The following CAPN6 variants were observed in gnomAD, a reference collection of about 807,000 sequenced individuals.
CAPN6 encodes the protein calpain 6, also known as calpain-6.
CAPN6 carries 16 observed loss-of-function variants against 46.0 expected under a neutral mutation model. The ratio of observed to expected loss-of-function variants is 0.35; its 90% CI spans 0.24 to 0.53. The LOEUF (loss-of-function observed/expected upper bound fraction) is 0.53. CAPN6 is among the 20% of genes least tolerant of loss of function. CAPN6 has a pLI of 0.94. For missense variants in CAPN6, 461 were observed against 498.0 expected, an observed-to-expected ratio of 0.93 and a Z score of 0.71; for synonymous variants, 206 against 172.8, an observed-to-expected ratio of 1.19 and a Z score of -1.51.
In CAPN6 at chrX:111,251,750, C is replaced by A; in HGVS notation, c.700-8G>T. ...CTCCTCCTGATTGGGAGACTGAGAG[C>A]AAAGAAAGATATATAAAGGCACAGG... On this transcript the variant is annotated splice_region_variant and splice_polypyrimidine_tract_variant and intron_variant, in intron 5 of 12. Coordinates refer to ENST00000324068, the MANE Select transcript of CAPN6 (RefSeq NM_014289.4). 1 of 1,193,936 alleles carries A rather than the reference C, an allele frequency of 8.4e-7. No homozygotes were observed. Among genetic ancestry groups the A allele is most frequent in the African/African-American group, 1.7e-5 (1 of 57,338 alleles).
At chrX:111,247,033 A>T (rs778885216) in intron 12 of CAPN6, among the ~76,000 whole-genome samples, 1 of 111,428 alleles carries the variant, frequency 9.0e-6, no homozygotes, top group East Asian at 2.9e-4. Context: ...AAACTGCCAA[A>T]CTGCAGTGAT....
chrX:111,251,528 T>C (rs376637475), intron 6 of CAPN6, 21 bp downstream of exon 6: 2 of 1,166,856 alleles, frequency 1.7e-6, no homozygotes, highest in African/African-American at 3.6e-5. Flanking sequence ...GATGTAGCTG[T>C]GAAAGTGGAA....
At chrX:111,253,241 A>G in intron 3 of CAPN6, 25 bp from the exon 4 acceptor site, 3 of 1,119,830 alleles carry the variant, frequency 2.7e-6, no homozygotes, top group Non-Finnish European at 3.7e-6. Flanking sequence ...ACATTTAATC[A>G]AGTGTTATTC....
intron 10 of CAPN6, 45 bp from the exon 11 acceptor site, chrX:111,248,037 C>T: frequency 8.6e-7 from 1 of 1,163,668 alleles, no homozygotes; most frequent in African/African-American, 1.8e-5. Context: ...GATAAATATC[C>T]TTTGATGAAA....
chrX:111,269,030 G>C (rs1177586494), intron 1 of CAPN6, among the ~76,000 whole-genome samples: 1 of 112,204 alleles, frequency 8.9e-6, no homozygotes, highest in Non-Finnish European at 1.9e-5. Flanking sequence ...TTTTTGAATT[G>C]CAAGCTGTCA....
chrX:111,259,057 C>T (rs1392241937), intron 2 of CAPN6, among the ~76,000 whole-genome samples: 1 of 111,979 alleles, frequency 8.9e-6, no homozygotes, highest in Non-Finnish European at 1.9e-5. Context: ...GGATTACTCC[C>T]TTCAAATGTG....
chrX:111,248,814 A>G, intron 9 of CAPN6, 43 bp from the exon 10 acceptor site: 2 of 1,193,061 alleles, frequency 1.7e-6, no homozygotes, highest in Non-Finnish European at 2.3e-6. Flanking sequence ...CACTCAAATC[A>G]TGGTTTTTGT....
chrX:111,269,761 C>T lies in CAPN6; in HGVS notation c.-16+610G>A, dbSNP rs17885119. On this transcript the variant is annotated intron_variant, in intron 1 of 12. Coordinates refer to ENST00000324068, the MANE Select transcript of CAPN6 (RefSeq NM_014289.4). ...AGGCCAGAGGCTGAAAATGGAATAGCCAAGATCAACCTGTCACCAGGGCAG... is the reference window on the plus strand; with the variant it reads ...AGGCCAGAGGCTGAAAATGGAATAGTCAAGATCAACCTGTCACCAGGGCAG... 2.7e-3 allele frequency among the ~76,000 whole-genome samples: 298 copies of T among 111,738 alleles called. 2 individuals carry two copies. The highest frequency in any genetic ancestry group is 9.3e-3 in the African/African-American group (286 of 30,690).
At chrX:111,250,343 G>A (rs769014671) in intron 8 of CAPN6, among the ~76,000 whole-genome samples, 1 of 111,402 alleles carries the variant, frequency 9.0e-6, no homozygotes, top group African/African-American at 3.3e-5. Context: ...AGTGTGCGTG[G>A]ACTTGACCCT....
rs758530292 is a variant in CAPN6, at chrX:111,246,365, G to A, written c.*212C>T. The A allele has an allele frequency of 5.6e-4, 231 of 412,743 alleles. No homozygotes were observed. Among genetic ancestry groups the A allele is most frequent in the Non-Finnish European group, 8.9e-4 (213 of 239,135 alleles). 34.0% of individuals were successfully genotyped at this position (412,743 alleles called of 1,213,427 possible). A position where few individuals can be genotyped will look rare whatever the true frequency, so the allele number is the denominator to read the frequency against. On this transcript the variant is annotated 3_prime_UTR_variant, in exon 13 of 13. Coordinates refer to ENST00000324068, the MANE Select transcript of CAPN6 (RefSeq NM_014289.4). ...TGTATGATGTCTAGATAGGACTGTC[G>A]CCTCCCCATGTCCAGCTGCTGGAGG... is the stretch of plus-strand genomic sequence containing the variant.
chrX:111,253,267 G>A, intron 3 of CAPN6, 51 bp from the exon 4 acceptor site: 13 of 986,538 alleles, frequency 1.3e-5, no homozygotes, highest in Non-Finnish European at 1.9e-5. Context: ...ACCACATCCA[G>A]AAACTGAGAT....
chrX:111,250,213 G>A (rs750604863), intron 8 of CAPN6, among the ~76,000 whole-genome samples: 2 of 111,829 alleles, frequency 1.8e-5, no homozygotes, highest in African/African-American at 6.5e-5. Context: ...CATGGGCAGT[G>A]AGGCAGCAAT....
At chrX:111,250,295 T>C (rs1248689189) in intron 8 of CAPN6, among the ~76,000 whole-genome samples, 1 of 111,685 alleles carries the variant, frequency 9.0e-6, no homozygotes, top group Non-Finnish European at 1.9e-5. Flanking sequence ...CAGGTTATTA[T>C]AGATTCAGCC....
chrX:111,246,513 A>G lies in CAPN6; in HGVS notation c.*64T>C, dbSNP rs970567068. 2 of 913,338 alleles carry G rather than the reference A, an allele frequency of 2.2e-6. No homozygotes were observed. The highest frequency in any genetic ancestry group is 3.9e-5 in the African/African-American group (2 of 50,845). The allele number at this position is 913,338 out of a possible 1,213,427, so 75.3% of individuals were successfully genotyped here. On this transcript the variant is annotated 3_prime_UTR_variant, in exon 13 of 13. Coordinates refer to ENST00000324068, the MANE Select transcript of CAPN6 (RefSeq NM_014289.4). ...CTAAAGATTGTGAATCTTAACTAAG[A>G]CCTGGCACCTGACGGAAAATAAAAG...
chrX:111,264,563 G>A (rs1294403325), intron 1 of CAPN6, among the ~76,000 whole-genome samples: 2 of 111,963 alleles, frequency 1.8e-5, no homozygotes. Flanking sequence ...AGGAAAGACA[G>A]AAAGATTGTA....
Position 111,248,676 on chromosome X carries a change from G to A in CAPN6, c.1377C>T (p.Ser459=). 8.3e-7 allele frequency: 1 copy of A among 1,209,890 alleles called. No individual in the cohort carries two copies. Among genetic ancestry groups the A allele is most frequent in the Non-Finnish European group, 1.1e-6 (1 of 894,427 alleles). Residue 459 remains serine, a synonymous_variant, in exon 10 of 13, where the codon AGC becomes AGT. Coordinates refer to ENST00000324068, the MANE Select transcript of CAPN6 (RefSeq NM_014289.4). ...TYIDTRTVFL[S]KYLKKGNYVL... is the part of the protein sequence containing the mutation. Reference sequence around the variant, plus strand: ...CATAGTTGCCCTTCTTCAGGTACTTGCTCAGAAACACTGTGCGGGTGTCAA... The same window carrying A: ...CATAGTTGCCCTTCTTCAGGTACTTACTCAGAAACACTGTGCGGGTGTCAA...
In CAPN6 at chrX:111,258,571, C is replaced by T. The variant is rs1603408877; in HGVS notation, c.166-4168G>A. Among the ~76,000 whole-genome samples the T allele has an allele frequency of 3.6e-5, 4 of 111,874 alleles. No individual in the cohort carries two copies. In the East Asian group the frequency reaches 8.4e-4, roughly 24 times the overall value. On this transcript the variant is annotated intron_variant, in intron 2 of 12. Coordinates refer to ENST00000324068, the MANE Select transcript of CAPN6 (RefSeq NM_014289.4). ...GACTTAGGCTCAGGGACTAATGTTG[C>T]ACCAGCCTCTCAAGAAGTCCACTTT...
Position 111,251,669 on chromosome X carries a change from T to G in CAPN6, c.773A>C (p.Asp258Ala). The change falls in exon 6 of 13, where the codon GAT becomes GCT. Residue 258 changes from aspartate to alanine, a missense_variant. Transcript: ENST00000324068. Reference protein sequence around the residue: ...LLKGHTYTMTDIRKIRLGERL... With the variant: ...LLKGHTYTMTAIRKIRLGERL... Reference sequence around the variant, plus strand: ...CTCTCCAAGACGAATTTTGCGAATATCAGTCATGGTATAGGTATGGCCCTT... The same window carrying G: ...CTCTCCAAGACGAATTTTGCGAATAGCAGTCATGGTATAGGTATGGCCCTT... The G allele has an allele frequency of 8.3e-7, 1 of 1,210,365 alleles. No individual in the cohort carries two copies. Among genetic ancestry groups the G allele is most frequent in the Non-Finnish European group, 1.1e-6 (1 of 894,294 alleles).
intron 1 of CAPN6, among the ~76,000 whole-genome samples, chrX:111,267,554 G>A (rs1420371074): frequency 9.0e-6 from 1 of 111,351 alleles, no homozygotes; most frequent in Non-Finnish European, 1.9e-5. Flanking sequence ...GAGGAAGCTA[G>A]GCAAGTCGTG....
Sources: gnomAD v4.1 joint callset for allele counts (sites outside exome capture counted in the v4.1 genomes callset) on GRCh38, gnomAD v4.1.1 for gene constraint, MANE v1.5 for transcripts, NCBI Gene and HGNC (gene_info 2026-07-23, HGNC 2026-07-21) for gene names.